The following TNFAIP8 variants were observed in gnomAD, a reference collection of about 807,000 sequenced individuals.
The protein encoded by TNFAIP8 is TNF alpha induced protein 8.
Under a neutral mutation model 13.3 loss-of-function variants are expected in TNFAIP8, and 7 were observed. The observed-to-expected ratio is 0.52, with a 90% CI of 0.30 to 0.99. The LOEUF is 0.99. Ranked by LOEUF, TNFAIP8 falls within the 50% of genes least tolerant of loss-of-function variation. TNFAIP8 has a pLI of 0.07. For missense variants in TNFAIP8, 258 were observed against 236.9 expected, an observed-to-expected ratio of 1.09 and a Z score of -0.58; for synonymous variants, 94 against 87.6, an observed-to-expected ratio of 1.07 and a Z score of -0.41.
chr5:119,357,450 T>C (rs971968600), intron 1 of TNFAIP8, among the ~76,000 whole-genome samples: 3 of 152,184 alleles, frequency 2.0e-5, no homozygotes, highest in African/African-American at 7.2e-5. Flanking sequence ...CTGAGAGAAC[T>C]CAAGGGTGAA....
At chr5:119,288,838 A>T (rs1342324313) in intron 1 of TNFAIP8, among the ~76,000 whole-genome samples, 1 of 152,230 alleles carries the variant, frequency 6.6e-6, no homozygotes, top group Non-Finnish European at 1.5e-5. Context: ...GTCTCCAAAG[A>T]GAGAGAAGGG....
intron 1 of TNFAIP8, among the ~76,000 whole-genome samples, chr5:119,277,971 C>T (rs1050053778): frequency 6.6e-6 from 1 of 152,126 alleles, no homozygotes; most frequent in Non-Finnish European, 1.5e-5. Context: ...TCACTTCTAA[C>T]CACCTCTTAA....
In TNFAIP8 at chr5:119,393,294, C is replaced by G. The variant is rs914201259; in HGVS notation, c.510C>G (p.Ala170=). The change falls in exon 2 of 2, where the codon GCC becomes GCG. Residue 170 remains alanine, a synonymous_variant. Transcript: ENST00000504771. ...TTTCAGATTGTGAATTTTTGGCTGC[C>G]TTGTATAATCCTTTTGGGAATTTTA... The part of the protein sequence containing the change: ...DHFSDCEFLA[A]LYNPFGNFKP... 1 of 1,613,922 alleles carries G rather than the reference C, an allele frequency of 6.2e-7. No individual in the cohort carries two copies. The highest frequency in any genetic ancestry group is 8.5e-7 in the Non-Finnish European group (1 of 1,179,868).
intron 1 of TNFAIP8, among the ~76,000 whole-genome samples, chr5:119,321,534 G>A (rs1055003581): frequency 2.0e-5 from 3 of 151,942 alleles, no homozygotes; most frequent in Non-Finnish European, 2.9e-5. Context: ...CCCCACACTG[G>A]CTCCTTCCTG....
intron 1 of TNFAIP8, among the ~76,000 whole-genome samples, chr5:119,314,826 A>G (rs1453189245): frequency 6.6e-6 from 1 of 152,244 alleles, no homozygotes; most frequent in Non-Finnish European, 1.5e-5. Context: ...AGTTAGTAAG[A>G]TTAAAGCATG....
chr5:119,285,713 T>C (rs1748758820), intron 1 of TNFAIP8, among the ~76,000 whole-genome samples: 1 of 152,308 alleles, frequency 6.6e-6, no homozygotes, highest in East Asian at 1.9e-4. Flanking sequence ...TGAATTAATT[T>C]TGATACAAAA....
chr5:119,333,010 A>G (rs1004986351), intron 1 of TNFAIP8, among the ~76,000 whole-genome samples: 2 of 152,032 alleles, frequency 1.3e-5, no homozygotes, highest in Admixed American at 6.6e-5. Flanking sequence ...CGTATTATTA[A>G]TAGACGTTCA....
chr5:119,305,128 CTG>C (rs966079580), intron 1 of TNFAIP8, among the ~76,000 whole-genome samples: 1 of 152,088 alleles, frequency 6.6e-6, no homozygotes, highest in Non-Finnish European at 1.5e-5. Context: ...TAAGATCACT[CTG>C]TAAGCAGAAT....
At chr5:119,273,119 C>T (rs1256289571) in intron 1 of TNFAIP8, among the ~76,000 whole-genome samples, 1 of 152,222 alleles carries the variant, frequency 6.6e-6, no homozygotes. Flanking sequence ...TCAGCCCCTG[C>T]TGGCTGTGTG....
intron 1 of TNFAIP8, among the ~76,000 whole-genome samples, chr5:119,373,892 G>C (rs899935268): frequency 6.6e-6 from 1 of 152,156 alleles, no homozygotes; most frequent in African/African-American, 2.4e-5. Context: ...CTCTTTTTGT[G>C]CCATGTAGGT....
At chr5:119,277,223 C>T (rs1440550254) in intron 1 of TNFAIP8, among the ~76,000 whole-genome samples, 1 of 151,984 alleles carries the variant, frequency 6.6e-6, no homozygotes, top group African/African-American at 2.4e-5. Flanking sequence ...GAGACCACAC[C>T]GTTTGTGTTG....
chr5:119,310,155 G>A (rs1749685709), intron 1 of TNFAIP8, among the ~76,000 whole-genome samples: 1 of 152,176 alleles, frequency 6.6e-6, no homozygotes, highest in South Asian at 2.1e-4. Flanking sequence ...GAGGCTAATT[G>A]TATCTGTCAG....
chr5:119,368,875 C>T (rs1031870031), intron 1 of TNFAIP8, among the ~76,000 whole-genome samples: 1 of 152,002 alleles, frequency 6.6e-6, no homozygotes, highest in African/African-American at 2.4e-5. Context: ...ACTCTTCTTT[C>T]ATGATGGGAG....
intron 1 of TNFAIP8, among the ~76,000 whole-genome samples, chr5:119,381,795 G>A (rs1035636540): frequency 3.9e-5 from 6 of 152,042 alleles, no homozygotes; most frequent in Non-Finnish European, 7.4e-5. Context: ...AGTCGGGCAT[G>A]GTGGTGGGCA....
intron 1 of TNFAIP8, among the ~76,000 whole-genome samples, chr5:119,362,874 C>G (rs1179813361): frequency 6.6e-6 from 1 of 151,986 alleles, no homozygotes; most frequent in Non-Finnish European, 1.5e-5. Flanking sequence ...TTAGTAATGC[C>G]AAGCTGGCAA....
At chr5:119,297,810 T>A (rs976716578) in intron 1 of TNFAIP8, among the ~76,000 whole-genome samples, 7 of 152,234 alleles carry the variant, frequency 4.6e-5, no homozygotes, top group African/African-American at 1.7e-4. Context: ...CACATATATA[T>A]TTAGGATAGT....
At chr5:119,317,255 C>T (rs555243641) in intron 1 of TNFAIP8, among the ~76,000 whole-genome samples, 21 of 151,960 alleles carry the variant, frequency 1.4e-4, no homozygotes, top group Non-Finnish European at 2.9e-4. Flanking sequence ...TGGAAGAAGA[C>T]CCAAGTTAAG....
intron 1 of TNFAIP8, among the ~76,000 whole-genome samples, chr5:119,277,988 C>T (rs1313985785): frequency 2.0e-5 from 3 of 152,158 alleles, no homozygotes; most frequent in Non-Finnish European, 4.4e-5. Flanking sequence ...TTAATACCAC[C>T]ACCTTGGGGT....
intron 1 of TNFAIP8, among the ~76,000 whole-genome samples, chr5:119,281,306 A>ACACACACACACTCT: frequency 2.6e-5 from 3 of 114,216 alleles, no homozygotes; most frequent in Middle Eastern, 4.5e-3. Context: ...ACACACACAC[A>ACACACACACACTCT]CTCTCTCTCT....
Sources: gnomAD v4.1 joint callset for allele counts (sites outside exome capture counted in the v4.1 genomes callset) on GRCh38, gnomAD v4.1.1 for gene constraint, MANE v1.5 for transcripts, NCBI Gene and HGNC (gene_info 2026-07-23, HGNC 2026-07-21) for gene names.